MCM2: variants seen among roughly 807,000 people sequenced by gnomAD.
The protein encoded by MCM2 is minichromosome maintenance complex component 2, also known as DNA replication licensing factor MCM2.
MCM2 carries 49 observed loss-of-function variants against 86.4 expected under a neutral mutation model. The observed-to-expected ratio is 0.57, with a 90% confidence interval of 0.45 to 0.72. MCM2 has a LOEUF of 0.72. MCM2 is among the 30% of genes least tolerant of loss of function. The probability of loss-of-function intolerance (pLI) is 0.00; values close to 1 mark genes in which losing one functional copy is unlikely to be tolerated. For synonymous variants in MCM2, 475 were observed against 484.6 expected, an observed-to-expected ratio of 0.98 and a Z score of 0.26; for missense variants, 1,038 against 1,259.9, an observed-to-expected ratio of 0.82 and a Z score of 2.67.
At chr3:127,621,584 A>G in intron 15 of MCM2, 79 bp from the exon 16 acceptor site, 1 of 874,614 alleles carries the variant, frequency 1.1e-6, no homozygotes, top group Admixed American at 1.9e-5. Flanking sequence ...GGTGTCTGAA[A>G]GTGCACTGTA....
intron 12 of MCM2, 26 bp from the exon 13 acceptor site, chr3:127,619,001 A>G (rs1171078458): frequency 6.4e-7 from 1 of 1,555,488 alleles, no homozygotes; most frequent in East Asian, 2.3e-5. Context: ...CCACAATCAG[A>G]CCCACCCTCT....
chr3:127,615,448 A>G (rs1373382934), intron 8 of MCM2, among the ~76,000 whole-genome samples: 1 of 152,210 alleles, frequency 6.6e-6, no homozygotes, highest in Non-Finnish European at 1.5e-5. Flanking sequence ...AGGCACTTGC[A>G]TGAACTGTCG....
At chr3:127,610,251 C>T (rs1371397942) in intron 8 of MCM2, among the ~76,000 whole-genome samples, 1 of 152,226 alleles carries the variant, frequency 6.6e-6, no homozygotes, top group Non-Finnish European at 1.5e-5. Flanking sequence ...CATTTGGCTT[C>T]TTCAGTGAAC....
chr3:127,606,455 C>CAGAAGTGAAA lies in MCM2; in HGVS notation c.893+118_893+119insAGAAGTGAAA. The CAGAAGTGAAA allele has an allele frequency of 8.3e-7, 1 of 1,203,718 alleles. No individual in the cohort carries two copies. 74.6% of individuals were successfully genotyped at this position (1,203,718 alleles called of 1,614,324 possible). A position where few individuals can be genotyped will look rare whatever the true frequency, so the allele number is the denominator to read the frequency against. ...AGGGTGCAGCCAGCAGCATCCTCATCGCAGGTGAGTTGTGGTTGCACAGGA... is the reference window on the plus strand; with the variant it reads ...AGGGTGCAGCCAGCAGCATCCTCATCAGAAGTGAAAGCAGGTGAGTTGTGGTTGCACAGGA... On this transcript the variant is annotated intron_variant, in intron 5 of 15. Transcript: ENST00000265056. The surrounding 1 kb of genome is among the most constrained non-coding windows in gnomAD (Gnocchi z 4.2).
chr3:127,612,210 T>A (rs2074404075), intron 8 of MCM2, among the ~76,000 whole-genome samples: 1 of 152,224 alleles, frequency 6.6e-6, no homozygotes, highest in African/African-American at 2.4e-5. Context: ...TCCCCTACTC[T>A]GTCAGTTTCA....
At chr3:127,615,810 C>G (rs772727350) in intron 8 of MCM2, 52 bp from the exon 9 acceptor site, 10 of 1,342,166 alleles carry the variant, frequency 7.5e-6, no homozygotes, top group Non-Finnish European at 1.1e-5. Context: ...TGTGGGTGAC[C>G]TACTCTGTGA....
intron 3 of MCM2, 54 bp from the exon 4 acceptor site, chr3:127,604,842 G>A (rs1373337545): frequency 5.1e-6 from 8 of 1,575,750 alleles, no homozygotes; most frequent in African/African-American, 1.3e-5. Flanking sequence ...GTCTGGGAGG[G>A]GAGTAGAAGG....
chr3:127,621,961 C>G lies in MCM2; in HGVS notation c.*188C>G. The G allele has an allele frequency of 1.8e-6, 1 of 552,984 alleles. No homozygotes were observed. Among genetic ancestry groups the G allele is most frequent in the Non-Finnish European group, 3.2e-6 (1 of 310,176 alleles). The allele number at this position is 552,984 out of a possible 1,614,324, so 34.3% of individuals were successfully genotyped here. On this transcript the variant is annotated 3_prime_UTR_variant, in exon 16 of 16. Coordinates refer to ENST00000265056, the MANE Select transcript of MCM2 (RefSeq NM_004526.4). ...TCCAAGCCTGCTTTGTGCTTCTCAC[C>G]TTTGGGTGGGATGCCTTGCCAGTGT...
intron 7 of MCM2, 143 bp from the exon 8 acceptor site, chr3:127,608,689 G>A: frequency 8.6e-7 from 1 of 1,166,406 alleles, no homozygotes; most frequent in South Asian, 1.4e-5. Flanking sequence ...TTGGAATGGT[G>A]GGTTTAGGAG....
At chr3:127,615,340 A>T (rs563635203) in intron 8 of MCM2, among the ~76,000 whole-genome samples, 3 of 152,332 alleles carry the variant, frequency 2.0e-5, no homozygotes, top group East Asian at 1.9e-4. Flanking sequence ...TCTCTCACAC[A>T]CACACTGAAA....
Position 127,617,941 on chromosome 3 carries a change from C to T in MCM2, c.1901-28C>T, listed in dbSNP as rs751341900. 1 of 1,576,292 alleles carries T rather than the reference C, an allele frequency of 6.3e-7. No individual in the cohort carries two copies. Among genetic ancestry groups the T allele is most frequent in the South Asian group, 1.1e-5 (1 of 88,886 alleles). On this transcript the variant is annotated intron_variant, in intron 11 of 15. Coordinates refer to ENST00000265056, the MANE Select transcript of MCM2 (RefSeq NM_004526.4). The surrounding 1 kb of genome is among the most constrained non-coding windows in gnomAD (Gnocchi z 4.1). Reference sequence around the variant, plus strand: ...AGATGGGAGGATAGGGGAATCCACCCTGATGGAGGTGCTCCCCTGTGTTTC... The same window carrying T: ...AGATGGGAGGATAGGGGAATCCACCTTGATGGAGGTGCTCCCCTGTGTTTC...
At position 127,604,910 on chromosome 3, in the gene MCM2, G is replaced by A. The variant is rs768419201; in HGVS notation, c.427G>A (p.Asp143Asn). 3.1e-6 allele frequency: 5 copies of A among 1,611,782 alleles called. No individual in the cohort carries two copies. Among genetic ancestry groups the A allele is most frequent in the East Asian group, 2.2e-5 (1 of 44,808 alleles). Residue 143 changes from aspartate to asparagine, a missense_variant, in exon 4 of 16, where the codon GAC becomes AAC. Asp to Asn is a conservative substitution (Grantham distance 23). This residue lies in a region of MCM2 where 300 missense variants were observed against 307.4 expected (regional missense o/e 0.98). Coordinates refer to ENST00000265056, the MANE Select transcript of MCM2 (RefSeq NM_004526.4). ...RGLLYDSDEE[D>N]EERPARKRRQ... ...TGCCTCCCCAGACAGCGATGAGGAG[G>A]ACGAGGAGCGCCCTGCCCGCAAGCG...
At chr3:127,603,017 TTTG>T (rs770923407) in intron 2 of MCM2, among the ~76,000 whole-genome samples, 7 of 152,116 alleles carry the variant, frequency 4.6e-5, no homozygotes, top group Non-Finnish European at 7.4e-5. Context: ...TACCTTTTCT[TTTG>T]TTTTTTTTTT....
At chr3:127,608,596 G>T in intron 7 of MCM2, 80 bp downstream of exon 7, 1 of 1,569,862 alleles carries the variant, frequency 6.4e-7, no homozygotes, top group Admixed American at 1.7e-5. Context: ...GCCGGTGGCG[G>T]TGTCTATGGT....
intron 1 of MCM2, 171 bp from the exon 2 acceptor site, chr3:127,599,147 A>G: frequency 3.0e-6 from 2 of 666,376 alleles, no homozygotes; most frequent in Non-Finnish European, 5.4e-6. Flanking sequence ...AGAGCATTCC[A>G]GGTGAGAGAA....
chr3:127,606,727 T>C lies in MCM2; in HGVS notation c.1011T>C (p.Gly337=). The C allele has an allele frequency of 6.2e-7, 1 of 1,614,234 alleles. No individual in the cohort carries two copies. Among genetic ancestry groups the C allele is most frequent in the African/African-American group, 1.3e-5 (1 of 75,068 alleles). ...GCAACAAGTGCAATTTCGTCCTGGG[T>C]CCTTTCTGCCAGTCCCAGAACCAGG... The part of the protein sequence containing the change: ...YNCNKCNFVL[G]PFCQSQNQEV... The change falls in exon 6 of 16, where the codon GGT becomes GGC. Residue 337 remains glycine (G), a synonymous_variant. Transcript: ENST00000265056. The surrounding 1 kb of genome is among the most constrained non-coding windows in gnomAD (Gnocchi z 4.2).
intron 6 of MCM2, 82 bp from the exon 7 acceptor site, chr3:127,608,300 C>T (rs991581587): frequency 1.3e-6 from 2 of 1,548,510 alleles, no homozygotes; most frequent in African/African-American, 1.4e-5. Context: ...CGGAATCCTG[C>T]CTGTTCTCCC....
At position 127,606,904 on chromosome 3, in the gene MCM2, C is replaced by T. The variant is rs1195092412; in HGVS notation, c.1101+87C>T. The T allele has an allele frequency of 1.5e-6, 2 of 1,317,302 alleles. No individual in the cohort carries two copies. The highest frequency in any genetic ancestry group is 2.3e-5 in the East Asian group (1 of 42,886). 81.6% of individuals were successfully genotyped at this position (1,317,302 alleles called of 1,614,324 possible). ...GACTGGCCTCTCAGGCTGTGGAAGACCAGTGTGGGCAGCCGCAAGAAGCAA... is the reference window on the plus strand; with the variant it reads ...GACTGGCCTCTCAGGCTGTGGAAGATCAGTGTGGGCAGCCGCAAGAAGCAA... On this transcript the variant is annotated intron_variant, in intron 6 of 15. Transcript: ENST00000265056. This position sits in a 1 kb window ranked among gnomAD's most constrained non-coding sequence, Gnocchi z 4.2.
In MCM2 at chr3:127,618,163, C is replaced by A. The variant is rs1047968417; in HGVS notation, c.2013+82C>A. 16 of 1,077,886 alleles carry A rather than the reference C, an allele frequency of 1.5e-5. No homozygotes were observed. The highest frequency in any genetic ancestry group is 2.3e-5 in the Non-Finnish European group (16 of 708,494). 66.8% of individuals were successfully genotyped at this position (1,077,886 alleles called of 1,614,324 possible). A position where few individuals can be genotyped will look rare whatever the true frequency, so the allele number is the denominator to read the frequency against. On this transcript the variant is annotated intron_variant, in intron 12 of 15. Transcript: ENST00000265056. This position sits in a 1 kb window ranked among gnomAD's most constrained non-coding sequence, Gnocchi z 4.0. ...GCTTGGGGTCATACAGTGTGCCCAA[C>A]ACAGGGGACAGGTGCTGCAGGGGCC...
Sources: allele counts gnomAD v4.1 joint callset (sites outside exome capture counted in the v4.1 genomes callset), GRCh38; gene constraint gnomAD v4.1.1; regional missense constraint gnomAD v4.1.1; non-coding constraint Gnocchi (gnomAD v3.1); transcripts MANE v1.5; gene names NCBI Gene and HGNC (gene_info 2026-07-23, HGNC 2026-07-21).